The following RBM44 variants were observed in gnomAD, a reference collection of about 807,000 sequenced individuals.
The protein encoded by RBM44 is RNA binding motif protein 44, also known as RNA-binding protein 44.
In RBM44, 66 loss-of-function variants were observed where a neutral mutation model predicts 105.1. The observed-to-expected ratio is 0.63, with a 90% confidence interval of 0.52 to 0.77. The LOEUF (loss-of-function observed/expected upper bound fraction) is 0.77, where lower values mean the gene tolerates loss of function less well. RBM44 is among the 30% of genes least tolerant of loss of function. The probability of loss-of-function intolerance (pLI) is 0.00; values close to 1 mark genes in which losing one functional copy is unlikely to be tolerated. For missense variants in RBM44, 1,122 were observed against 1,207.8 expected (o/e 0.93, Z 1.05); for synonymous variants, 365 against 417.6 (o/e 0.87, Z 1.54).
At chr2:237,834,506 C>A in intron 15 of RBM44, 83 bp downstream of exon 15, 1 of 644,426 alleles carries the variant, frequency 1.6e-6, no homozygotes, top group Non-Finnish European at 2.4e-6. Flanking sequence ...ACATAAAAAA[C>A]ATATTAAATT....
At chr2:237,831,457 G>A (rs144586322) in intron 13 of RBM44, among the ~76,000 whole-genome samples, 1 of 151,940 alleles carries the variant, frequency 6.6e-6, no homozygotes, top group African/African-American at 2.4e-5. Flanking sequence ...ATTTTTGTGT[G>A]TTTTTAGTAC....
At chr2:237,809,302 T>A (rs78806761) in intron 1 of RBM44, among the ~76,000 whole-genome samples, 3,245 of 152,302 alleles carry the variant, frequency 0.021, 111 homozygotes, top group African/African-American at 0.074. Context: ...TTGCAATAAT[T>A]TTCCTGAGTT....
intron 12 of RBM44, among the ~76,000 whole-genome samples, chr2:237,828,871 G>A (rs1033904942): frequency 6.6e-6 from 1 of 152,044 alleles, no homozygotes; most frequent in African/African-American, 2.4e-5. Flanking sequence ...ATAGGGATTA[G>A]TTTTAGGTTT....
intron 5 of RBM44, chr2:237,820,843 T>G: frequency 2.6e-6 from 1 of 382,440 alleles, no homozygotes; most frequent in Non-Finnish European, 4.6e-6. Context: ...AGGCCAAGAG[T>G]TCAAGACCAA....
intron 15 of RBM44, among the ~76,000 whole-genome samples, chr2:237,837,487 A>G (rs2061971205): frequency 6.6e-6 from 1 of 152,208 alleles, no homozygotes; most frequent in Admixed American, 6.5e-5. Flanking sequence ...AATGCAACTC[A>G]TGGATGACTT....
chr2:237,822,258 C>G (rs546031187), intron 8 of RBM44, among the ~76,000 whole-genome samples: 1 of 152,190 alleles, frequency 6.6e-6, no homozygotes, highest in East Asian at 1.9e-4. Context: ...ATAATTTCTT[C>G]TTTACTGAGA....
intron 12 of RBM44, among the ~76,000 whole-genome samples, chr2:237,828,015 G>T (rs1346463372): frequency 6.6e-6 from 1 of 152,112 alleles, no homozygotes; most frequent in Non-Finnish European, 1.5e-5. Flanking sequence ...CACATAGTAG[G>T]TGCTCAGAAA....
intron 2 of RBM44, among the ~76,000 whole-genome samples, chr2:237,816,780 G>C (rs2061722247): frequency 6.6e-6 from 1 of 152,058 alleles, no homozygotes; most frequent in African/African-American, 2.4e-5. Flanking sequence ...ACCTCTCCAA[G>C]TCCCCATTTC....
At position 237,804,288 on chromosome 2, in the gene RBM44, T is replaced by G. The variant is rs530124281; in HGVS notation, c.-19+5427T>G. Among the ~76,000 whole-genome samples, 30 of 152,362 alleles carry G rather than the reference T, an allele frequency of 2.0e-4. No homozygotes were observed. In the South Asian group the frequency reaches 6.2e-3, roughly 32 times the overall value. On this transcript the variant is annotated intron_variant, in intron 1 of 15. Coordinates refer to ENST00000316997, the MANE Select transcript of RBM44 (RefSeq NM_001080504.3). ...AAGTGCATGTGTCTTTTTGGTTGAA[T>G]GATTTATTTTCCTGTGGGTATATAC...
At position 237,810,854 on chromosome 2, in the gene RBM44, A is replaced by G. The variant is rs150843477; in HGVS notation, c.-18-2738A>G. Among the ~76,000 whole-genome samples, 6 of 152,320 alleles carry G rather than the reference A, an allele frequency of 3.9e-5. No individual in the cohort carries two copies. The East Asian group carries it at 9.7e-4, about 25-fold the overall frequency. On this transcript the variant is annotated intron_variant, in intron 1 of 15. Coordinates refer to ENST00000316997, the MANE Select transcript of RBM44 (RefSeq NM_001080504.3). ...CTGAGGGTGGCATTTTTGGCCCTCC[A>G]GCATCAAAAGGCCACCTCTCGGGCA...
At chr2:237,827,944 C>G (rs921571523) in intron 12 of RBM44, among the ~76,000 whole-genome samples, 3 of 152,106 alleles carry the variant, frequency 2.0e-5, no homozygotes, top group African/African-American at 7.2e-5. Flanking sequence ...ATACTAACTT[C>G]ACAGCATTGC....
Position 237,817,303 on chromosome 2 carries a change from T to G in RBM44, c.384T>G (p.Pro128=), listed in dbSNP as rs1277354771. ...ESKLKKESLT[P]LSSELDPEVQ... ...AACTAAAGAAGGAAAGTCTTACTCC[T>G]TTAAGTTCAGAATTAGATCCTGAAG... is the stretch of plus-strand genomic sequence containing the variant. The change falls in exon 3 of 16, where the codon CCT becomes CCG. Residue 128 remains proline, a synonymous_variant. Coordinates refer to ENST00000316997, the MANE Select transcript of RBM44 (RefSeq NM_001080504.3). The G allele has an allele frequency of 3.1e-6, 5 of 1,606,214 alleles. No individual in the cohort carries two copies. In the African/African-American group the frequency reaches 5.4e-5, roughly 17 times the overall value.
At chr2:237,808,253 G>C (rs1328542554) in intron 1 of RBM44, among the ~76,000 whole-genome samples, 1 of 152,068 alleles carries the variant, frequency 6.6e-6, no homozygotes, top group Non-Finnish European at 1.5e-5. Flanking sequence ...AGGAGTTCGA[G>C]ACCAGCCAGA....
chr2:237,824,441 G>A lies in RBM44; in HGVS notation c.2449+22G>A, dbSNP rs150799900. The A allele has an allele frequency of 4.9e-4, 784 of 1,603,824 alleles. 5 individuals are homozygous for A. In the African/African-American group the frequency reaches 9.4e-3, roughly 19 times the overall value. ...GGAGGTTGGTTCTCAAGAATTTACCGAGAAATCCTAACCTAGATCATTTGT... is the reference window on the plus strand; with the variant it reads ...GGAGGTTGGTTCTCAAGAATTTACCAAGAAATCCTAACCTAGATCATTTGT... On this transcript the variant is annotated intron_variant, in intron 10 of 15. Coordinates refer to ENST00000316997, the MANE Select transcript of RBM44 (RefSeq NM_001080504.3).
Position 237,817,666 on chromosome 2 carries a change from A to C in RBM44, c.747A>C (p.Ser249=), listed in dbSNP as rs1253796221. 2 of 1,612,744 alleles carry C rather than the reference A, an allele frequency of 1.2e-6. No individual in the cohort carries two copies. Among genetic ancestry groups the C allele is most frequent in the East Asian group, 2.2e-5 (1 of 44,798 alleles). The change falls in exon 3 of 16, where the codon TCA becomes TCC. Residue 249 remains serine, a synonymous_variant. Transcript: ENST00000316997. ...GTGGTTCTATCATCTCTTTCGATTCACTTGATGTTTATGGACAAGAAGAGT... is the reference window on the plus strand; with the variant it reads ...GTGGTTCTATCATCTCTTTCGATTCCCTTGATGTTTATGGACAAGAAGAGT... ...SGSGSIISFD[S]LDVYGQEESL...
At chr2:237,812,814 T>G (rs142070580) in intron 1 of RBM44, among the ~76,000 whole-genome samples, 296 of 152,108 alleles carry the variant, frequency 1.9e-3, no homozygotes, top group African/African-American at 6.7e-3. Flanking sequence ...CATTGGGATA[T>G]TCTACCAGTA....
rs553853832 is a variant in RBM44 at position 237,812,263 on chromosome 2, C to T, written c.-18-1329C>T. Among the ~76,000 whole-genome samples, 25 of 152,278 alleles carry T rather than the reference C, an allele frequency of 1.6e-4. No individual in the cohort carries two copies. The South Asian group carries it at 4.8e-3, about 29-fold the overall frequency. On this transcript the variant is annotated intron_variant, in intron 1 of 15. Transcript: ENST00000316997. ...CTTCTGTTTTTGTCTTAACTAATTA[C>T]ATTTTAAACTTTTTTGGCTTATTTT...
chr2:237,833,924 G>T (rs2061928736), intron 13 of RBM44, 73 bp from the exon 14 acceptor site: 2 of 708,366 alleles, frequency 2.8e-6, no homozygotes, highest in South Asian at 1.1e-4. Flanking sequence ...ATATATTATT[G>T]TTGAATAAGC....
intron 1 of RBM44, among the ~76,000 whole-genome samples, chr2:237,806,741 A>G (rs1376145927): frequency 1.3e-5 from 2 of 152,138 alleles, no homozygotes; most frequent in Non-Finnish European, 2.9e-5. Flanking sequence ...CTTGTCAAAC[A>G]CTAATATGTG....
Sources: allele counts gnomAD v4.1 joint callset (sites outside exome capture counted in the v4.1 genomes callset), GRCh38; gene constraint gnomAD v4.1.1; transcripts MANE v1.5; gene names NCBI Gene and HGNC (gene_info 2026-07-23, HGNC 2026-07-21).